SLC9A9: variants seen among roughly 807,000 people sequenced by gnomAD.
The protein encoded by SLC9A9 is sodium/hydrogen exchanger 9.
Under a neutral mutation model 77.8 loss-of-function variants are expected in SLC9A9, and 62 were observed. The ratio of observed to expected loss-of-function variants is 0.80; its 90% CI spans 0.65 to 0.98. The LOEUF is 0.98. Ranked by LOEUF, SLC9A9 falls within the 50% of genes least tolerant of loss-of-function variation. SLC9A9 has a pLI of 0.00. For synonymous variants in SLC9A9, 320 were observed against 283.5 expected (o/e 1.13, Z -1.29); for missense variants, 775 against 774.9 (o/e 1.00, Z 0.00).
At chr3:143,671,300 A>G (rs1354515841) in intron 5 of SLC9A9, among the ~76,000 whole-genome samples, 1 of 152,192 alleles carries the variant, frequency 6.6e-6, no homozygotes, top group Non-Finnish European at 1.5e-5. Flanking sequence ...GCAAGTTAGC[A>G]AAAGTCAGTT....
chr3:143,439,842 G>T (rs1380765931), intron 12 of SLC9A9, among the ~76,000 whole-genome samples: 1 of 135,682 alleles, frequency 7.4e-6, no homozygotes, highest in African/African-American at 2.5e-5. Flanking sequence ...GTGTGGCCAT[G>T]AGGATAAAGC....
intron 4 of SLC9A9, among the ~76,000 whole-genome samples, chr3:143,773,117 G>C (rs2007579059): frequency 6.6e-6 from 1 of 152,154 alleles, no homozygotes; most frequent in Admixed American, 6.5e-5. Flanking sequence ...ATTGTATTTT[G>C]CTAGAGGTTG....
At chr3:143,552,334 C>A in intron 9 of SLC9A9, 28 bp downstream of exon 9, 2 of 1,540,314 alleles carry the variant, frequency 1.3e-6, no homozygotes. Flanking sequence ...GAAAAGAGAC[C>A]AAGTCTGTAG....
At chr3:143,416,198 T>C (rs2034187960) in intron 12 of SLC9A9, among the ~76,000 whole-genome samples, 1 of 152,186 alleles carries the variant, frequency 6.6e-6, no homozygotes, top group Non-Finnish European at 1.5e-5. Context: ...GATCTACTCC[T>C]GGTGAAGATG....
chr3:143,344,713 C>T (rs2108467560), intron 14 of SLC9A9: 1 of 152,176 alleles, frequency 6.6e-6, no homozygotes, highest in South Asian at 2.1e-4. Context: ...AGAAATGGTG[C>T]CTACCATTAA....
intron 4 of SLC9A9, among the ~76,000 whole-genome samples, chr3:143,699,368 T>C (rs1933732844): frequency 6.6e-6 from 1 of 151,984 alleles, no homozygotes; most frequent in South Asian, 2.1e-4. Flanking sequence ...AAATAGCAGG[T>C]GAGCACTCAC....
At chr3:143,676,028 G>T (rs1932872378) in intron 5 of SLC9A9, among the ~76,000 whole-genome samples, 1 of 152,104 alleles carries the variant, frequency 6.6e-6, no homozygotes, top group Non-Finnish European at 1.5e-5. Flanking sequence ...GATGGTTTCG[G>T]AATGAAACTT....
At chr3:143,267,345 C>CTTT (rs749407002) in intron 15 of SLC9A9, among the ~76,000 whole-genome samples, 15,840 of 113,418 alleles carry the variant, frequency 0.14, 2,426 homozygotes, top group African/African-American at 0.36. Flanking sequence ...GTTATTGCTA[C>CTTT]TTTTTTTTTT....
chr3:143,265,592 G>T lies in SLC9A9; in HGVS notation c.*1110C>A. On this transcript the variant is annotated 3_prime_UTR_variant, in exon 16 of 16. Coordinates refer to ENST00000316549, the MANE Select transcript of SLC9A9 (RefSeq NM_173653.4). ...ACATCTGGATTTCAAGAGGTGCTAG[G>T]CTTGAGGTATCTTTATGGCTTAAAA... 3.3e-6 allele frequency: 1 copy of T among 307,532 alleles called. No individual in the cohort carries two copies. Among genetic ancestry groups the T allele is most frequent in the Non-Finnish European group, 5.9e-6 (1 of 168,798 alleles). 19.1% of individuals were successfully genotyped at this position (307,532 alleles called of 1,614,324 possible).
intron 4 of SLC9A9, among the ~76,000 whole-genome samples, chr3:143,710,328 C>T (rs1934107184): frequency 6.6e-6 from 1 of 152,182 alleles, no homozygotes; most frequent in Non-Finnish European, 1.5e-5. Context: ...ACGCAGCTAT[C>T]AGCCATGATT....
At chr3:143,498,239 C>T (rs945748572) in intron 9 of SLC9A9, among the ~76,000 whole-genome samples, 1 of 152,204 alleles carries the variant, frequency 6.6e-6, no homozygotes, top group Non-Finnish European at 1.5e-5. Flanking sequence ...CAATACTACA[C>T]TCTTTTAAAT....
chr3:143,796,503 C>T (rs544689561), intron 3 of SLC9A9, among the ~76,000 whole-genome samples: 1 of 152,244 alleles, frequency 6.6e-6, no homozygotes, highest in South Asian at 2.1e-4. Flanking sequence ...CAATATAAAA[C>T]ATTATGGAAA....
At chr3:143,629,712 A>G (rs2038389449) in intron 6 of SLC9A9, among the ~76,000 whole-genome samples, 1 of 152,122 alleles carries the variant, frequency 6.6e-6, no homozygotes, top group Non-Finnish European at 1.5e-5. Flanking sequence ...CTGTCCAGGA[A>G]AGAAAGAGGG....
At chr3:143,812,234 C>G (rs748949148) in intron 2 of SLC9A9, among the ~76,000 whole-genome samples, 8 of 152,322 alleles carry the variant, frequency 5.3e-5, no homozygotes, top group South Asian at 2.1e-4. Flanking sequence ...CCATTTGATT[C>G]AGCAACACCT....
chr3:143,292,668 C>T (rs914346740), intron 14 of SLC9A9, among the ~76,000 whole-genome samples: 3 of 152,042 alleles, frequency 2.0e-5, no homozygotes, highest in Admixed American at 2.0e-4. Context: ...ATATGAGGTC[C>T]CTTCCCAACC....
chr3:143,409,414 G>T (rs1044126343), intron 12 of SLC9A9, among the ~76,000 whole-genome samples: 2 of 152,156 alleles, frequency 1.3e-5, no homozygotes, highest in African/African-American at 4.8e-5. Flanking sequence ...ATGAATGATG[G>T]CTTAGCTGCT....
chr3:143,405,839 C>G (rs774127543), intron 12 of SLC9A9, among the ~76,000 whole-genome samples: 1 of 152,200 alleles, frequency 6.6e-6, no homozygotes, highest in African/African-American at 2.4e-5. Context: ...ACAAATGTCA[C>G]AAACTTGACA....
At chr3:143,703,895 T>C (rs775167239) in intron 4 of SLC9A9, among the ~76,000 whole-genome samples, 20 of 152,242 alleles carry the variant, frequency 1.3e-4, no homozygotes, top group African/African-American at 7.2e-5. Flanking sequence ...CTGATACCAC[T>C]GGATCATTTT....
At chr3:143,419,643 G>A (rs147869867) in intron 12 of SLC9A9, among the ~76,000 whole-genome samples, 2 of 152,238 alleles carry the variant, frequency 1.3e-5, no homozygotes, top group South Asian at 2.1e-4. Context: ...CTGTGTTAGC[G>A]TGGGTGAGAT....
Sources: gnomAD v4.1 joint callset for allele counts (sites outside exome capture counted in the v4.1 genomes callset) on GRCh38, gnomAD v4.1.1 for gene constraint, MANE v1.5 for transcripts, NCBI Gene and HGNC (gene_info 2026-07-23, HGNC 2026-07-21) for gene names.